Variants in AP3S1 observed in about 807,000 individuals in gnomAD.
The protein encoded by AP3S1 is AP-3 complex subunit sigma-1.
Under a neutral mutation model 21.3 loss-of-function variants are expected in AP3S1, and 12 were observed. That is an observed-to-expected ratio of 0.56 (90% CI 0.36 to 0.91). AP3S1 has a LOEUF of 0.91. Ranked by LOEUF, AP3S1 falls within the 40% of genes least tolerant of loss-of-function variation. AP3S1 has a pLI of 0.01. For synonymous variants in AP3S1, 48 were observed against 78.4 expected (o/e 0.61, Z 2.05); for missense variants, 116 against 225.0 (o/e 0.52, Z 3.10).
At chr5:115,860,832 A>G (rs1172460418) in intron 1 of AP3S1, among the ~76,000 whole-genome samples, 1 of 152,186 alleles carries the variant, frequency 6.6e-6, no homozygotes, top group East Asian at 1.9e-4. Flanking sequence ...ATGTGTGTTT[A>G]ATTTACCATC....
Position 115,842,005 on chromosome 5 carries a change from C to A in AP3S1, c.-33C>A. 1 of 1,572,420 alleles carries A rather than the reference C, an allele frequency of 6.4e-7. No homozygotes were observed. Among genetic ancestry groups the A allele is most frequent in the African/African-American group, 1.4e-5 (1 of 73,518 alleles). The stretch of plus-strand genomic sequence containing the variant: ...CTCGCGCGCCCGCCCCCGCCCTGGC[C>A]CCCAGTGCCCACCCGGTCGGCCCGG... On this transcript the variant is annotated 5_prime_UTR_variant, in exon 1 of 6. Coordinates refer to ENST00000316788, the MANE Select transcript of AP3S1 (RefSeq NM_001284.4).
chr5:115,908,598 T>C (rs1473284402), intron 5 of AP3S1, among the ~76,000 whole-genome samples: 1 of 152,078 alleles, frequency 6.6e-6, no homozygotes, highest in Non-Finnish European at 1.5e-5. Flanking sequence ...AGGCAAATCC[T>C]ATGTTTGAAA....
intron 3 of AP3S1, among the ~76,000 whole-genome samples, chr5:115,884,936 A>G (rs1295203331): frequency 6.6e-6 from 1 of 152,218 alleles, no homozygotes; most frequent in Non-Finnish European, 1.5e-5. Flanking sequence ...ATTCTATCAC[A>G]TAGAAAAATG....
intron 5 of AP3S1, among the ~76,000 whole-genome samples, chr5:115,912,882 G>A (rs957229007): frequency 6.6e-6 from 1 of 151,790 alleles, no homozygotes; most frequent in East Asian, 1.9e-4. Context: ...ATGTTTTAAG[G>A]GTTTATCCCT....
chr5:115,897,009 A>T (rs1750807463), intron 4 of AP3S1, among the ~76,000 whole-genome samples: 1 of 152,318 alleles, frequency 6.6e-6, no homozygotes, highest in African/African-American at 2.4e-5. Flanking sequence ...CTCATCTGCA[A>T]CTTCCATACA....
chr5:115,912,736 G>C lies in AP3S1; in HGVS notation c.454-626G>C, dbSNP rs529977406. On this transcript the variant is annotated intron_variant, in intron 5 of 5. Coordinates refer to ENST00000316788, the MANE Select transcript of AP3S1 (RefSeq NM_001284.4). Reference sequence around the variant, plus strand: ...GGGTTGGAATGATCCTCTTCGTGTAGTTTCATCTTTAGGCAGAACTATATT... The same window carrying C: ...GGGTTGGAATGATCCTCTTCGTGTACTTTCATCTTTAGGCAGAACTATATT... 1.8e-4 allele frequency among the ~76,000 whole-genome samples: 27 copies of C among 152,076 alleles called. No homozygotes were observed. The South Asian group carries it at 5.4e-3, about 30-fold the overall frequency.
At chr5:115,896,704 G>A (rs1016186632) in intron 4 of AP3S1, among the ~76,000 whole-genome samples, 1 of 152,162 alleles carries the variant, frequency 6.6e-6, no homozygotes, top group African/African-American at 2.4e-5. Flanking sequence ...ACCTGTGCCT[G>A]GGGAGGTTGA....
At chr5:115,865,441 A>C (rs1020556549) in intron 1 of AP3S1, among the ~76,000 whole-genome samples, 1 of 152,152 alleles carries the variant, frequency 6.6e-6, no homozygotes, top group East Asian at 1.9e-4. Flanking sequence ...TGTAATTGCC[A>C]ATGTGCAATT....
At chr5:115,888,153 T>TA (rs1749961085) in intron 3 of AP3S1, among the ~76,000 whole-genome samples, 1 of 152,106 alleles carries the variant, frequency 6.6e-6, no homozygotes, top group South Asian at 2.1e-4. Flanking sequence ...CAGTAGTAGT[T>TA]AGATACCTGT....
At chr5:115,904,839 C>T (rs557926995) in intron 5 of AP3S1, among the ~76,000 whole-genome samples, 1 of 152,084 alleles carries the variant, frequency 6.6e-6, no homozygotes, top group South Asian at 2.1e-4. Flanking sequence ...ATTTTAAATG[C>T]CAAGGGACAA....
intron 3 of AP3S1, among the ~76,000 whole-genome samples, chr5:115,890,419 A>G (rs1374115885): frequency 6.6e-6 from 1 of 152,208 alleles, no homozygotes; most frequent in Non-Finnish European, 1.5e-5. Context: ...GTATCCTATA[A>G]TCTCATTTTA....
intron 5 of AP3S1, among the ~76,000 whole-genome samples, chr5:115,904,364 G>C (rs1012980038): frequency 1.3e-5 from 2 of 152,148 alleles, no homozygotes; most frequent in Admixed American, 1.3e-4. Flanking sequence ...ATTCAATTCT[G>C]TGTCCATTTT....
At position 115,853,993 on chromosome 5, in the gene AP3S1, C is replaced by T. The variant is rs1450291914; in HGVS notation, c.69+11887C>T. On this transcript the variant is annotated intron_variant, in intron 1 of 5. Coordinates refer to ENST00000316788, the MANE Select transcript of AP3S1 (RefSeq NM_001284.4). Reference sequence around the variant, plus strand: ...ATAGTGAACAGAAATTTATTTGGTTCATGGTTCTGGAGGCTGGGAAGTCCA... The same window carrying T: ...ATAGTGAACAGAAATTTATTTGGTTTATGGTTCTGGAGGCTGGGAAGTCCA... Among the ~76,000 whole-genome samples, 5 of 152,152 alleles carry T rather than the reference C, an allele frequency of 3.3e-5. No homozygotes were observed. The South Asian group carries it at 6.2e-4, about 19-fold the overall frequency.
intron 5 of AP3S1, among the ~76,000 whole-genome samples, chr5:115,904,921 A>G (rs1287910972): frequency 6.6e-6 from 1 of 152,164 alleles, no homozygotes; most frequent in Non-Finnish European, 1.5e-5. Flanking sequence ...CTGCATAATC[A>G]TCTGTAAAAA....
rs75516246 is a variant in AP3S1 at position 115,846,038 on chromosome 5, C to T, written c.69+3932C>T. 9.1e-3 allele frequency among the ~76,000 whole-genome samples: 1,380 copies of T among 152,054 alleles called. 20 individuals carry two copies. The highest frequency in any genetic ancestry group is 0.032 in the African/African-American group (1,334 of 41,472). The stretch of plus-strand genomic sequence containing the variant: ...CTTTAGTCTTTTAATACTTACCTGA[C>T]AGTATTTGTGCATTACTGTAAATAA... On this transcript the variant is annotated intron_variant, in intron 1 of 5. Transcript: ENST00000316788.
Position 115,842,123 on chromosome 5 carries a change from C to T in AP3S1, c.69+17C>T, listed in dbSNP as rs1433651544. On this transcript the variant is annotated intron_variant, in intron 1 of 5. Transcript: ENST00000316788. ...CAGCCCTACGTGAGTATCCAGCCGC[C>T]GCTGATCCGGGCGAGGGGGAGTCGT... 1 of 1,453,704 alleles carries T rather than the reference C, an allele frequency of 6.9e-7. No homozygotes were observed. Among genetic ancestry groups the T allele is most frequent in the East Asian group, 3.0e-5 (1 of 33,852 alleles). 90.1% of individuals were successfully genotyped at this position (1,453,704 alleles called of 1,614,324 possible).
At chr5:115,848,926 C>T (rs1485392934) in intron 1 of AP3S1, among the ~76,000 whole-genome samples, 2 of 152,214 alleles carry the variant, frequency 1.3e-5, no homozygotes, top group African/African-American at 4.8e-5. Context: ...ACAATTCTAG[C>T]TAATAACTGT....
intron 1 of AP3S1, among the ~76,000 whole-genome samples, chr5:115,856,719 C>T (rs186728856): frequency 4.5e-4 from 68 of 152,328 alleles, no homozygotes; most frequent in African/African-American, 9.9e-4. Flanking sequence ...AGCAATCCTC[C>T]GGCCTCGGCC....
intron 1 of AP3S1, among the ~76,000 whole-genome samples, chr5:115,854,031 C>A (rs905908106): frequency 2.0e-5 from 3 of 152,084 alleles, no homozygotes; most frequent in African/African-American, 7.2e-5. Context: ...GTCAAGGAGC[C>A]ACGTGTGGTG....
Sources: allele counts gnomAD v4.1 joint callset (sites outside exome capture counted in the v4.1 genomes callset), GRCh38; gene constraint gnomAD v4.1.1; transcripts MANE v1.5; gene names NCBI Gene and HGNC (gene_info 2026-07-23, HGNC 2026-07-21).